The following CAB39 variants were observed in gnomAD, a reference collection of about 807,000 sequenced individuals.
CAB39 encodes calcium-binding protein 39.
In CAB39, 8 loss-of-function variants were observed where a neutral mutation model predicts 40.0. The observed-to-expected ratio is 0.20, with a 90% CI of 0.12 to 0.36. The LOEUF is 0.36. Ranked by LOEUF, CAB39 falls within the 10% of genes least tolerant of loss-of-function variation. CAB39 has a pLI of 1.00. For synonymous variants in CAB39, 156 were observed against 141.6 expected, an observed-to-expected ratio of 1.10 and a Z score of -0.72; for missense variants, 270 against 401.1, an observed-to-expected ratio of 0.67 and a Z score of 2.79.
At position 230,769,818 on chromosome 2, in the gene CAB39, A is replaced by G. The variant is rs1473327302; in HGVS notation, c.114+9703A>G. Among the ~76,000 whole-genome samples the G allele has an allele frequency of 2.0e-5, 3 of 151,622 alleles. No homozygotes were observed. In the East Asian group the frequency reaches 5.8e-4, roughly 29 times the overall value. On this transcript the variant is annotated intron_variant, in intron 2 of 8. Coordinates refer to ENST00000258418, the MANE Select transcript of CAB39 (RefSeq NM_016289.4). ...ATGTGGCAAAACCCTGTCTCTACTA[A>G]AAATACAAAAAAAAAAAAAAGGGCC...
At chr2:230,812,369 A>G (rs1696320799) in intron 6 of CAB39, among the ~76,000 whole-genome samples, 1 of 152,238 alleles carries the variant, frequency 6.6e-6, no homozygotes, top group African/African-American at 2.4e-5. Context: ...GAGGACAGGT[A>G]TCTAGGTTTG....
chr2:230,725,402 A>T lies in CAB39; in HGVS notation c.-44+12172A>T, dbSNP rs373424164. The T allele has an allele frequency of 1.4e-5, 23 of 1,598,452 alleles. No homozygotes were observed. In the East Asian group the frequency reaches 4.9e-4, roughly 34 times the overall value. Reference sequence around the variant, plus strand: ...GTCTCGGTGCTTTTGGGAGGTTGTCATCTTGATCAGGCTTAATCCGCAACT... The same window carrying T: ...GTCTCGGTGCTTTTGGGAGGTTGTCTTCTTGATCAGGCTTAATCCGCAACT... On this transcript the variant is annotated intron_variant, in intron 1 of 8. Coordinates refer to ENST00000258418, the MANE Select transcript of CAB39 (RefSeq NM_016289.4).
intron 1 of CAB39, among the ~76,000 whole-genome samples, chr2:230,721,680 G>GGTGA (rs1260373682): frequency 1.3e-5 from 2 of 152,212 alleles, no homozygotes; most frequent in African/African-American, 4.8e-5. Context: ...GAGGTTCCAG[G>GGTGA]GTGAGATTTC....
chr2:230,766,728 A>G (rs1163170561), intron 2 of CAB39, among the ~76,000 whole-genome samples: 4 of 152,160 alleles, frequency 2.6e-5, no homozygotes, highest in Admixed American at 6.5e-5. Flanking sequence ...CGAGTCTCAC[A>G]ATGTTGCCCA....
chr2:230,728,802 G>A (rs1255621898), intron 1 of CAB39, among the ~76,000 whole-genome samples: 1 of 152,034 alleles, frequency 6.6e-6, no homozygotes, highest in East Asian at 1.9e-4. Flanking sequence ...TTGTGGAGAC[G>A]GGATCTCATT....
chr2:230,772,315 T>G (rs1055887882), intron 2 of CAB39, among the ~76,000 whole-genome samples: 12 of 152,184 alleles, frequency 7.9e-5, no homozygotes, highest in African/African-American at 2.9e-4. Context: ...GAAAAGATGT[T>G]AATCATTAGG....
chr2:230,748,425 C>G lies in CAB39; in HGVS notation c.-43-11534C>G, dbSNP rs186565910. ...TAGTGTTGTCCATGTAGTTAGCCTG[C>G]GTATCCTCTATGAAATTCCCCATCA... On this transcript the variant is annotated intron_variant, in intron 1 of 8. Transcript: ENST00000258418. Among the ~76,000 whole-genome samples the G allele has an allele frequency of 2.6e-3, 391 of 152,228 alleles. 3 individuals are homozygous for G. The highest frequency in any genetic ancestry group is 8.6e-3 in the African/African-American group (358 of 41,536).
At chr2:230,776,564 G>T (rs115118288) in intron 2 of CAB39, among the ~76,000 whole-genome samples, 213 of 152,300 alleles carry the variant, frequency 1.4e-3, no homozygotes, top group Non-Finnish European at 2.4e-3. Flanking sequence ...AAACTTTTGA[G>T]ATGGGCTTTC....
chr2:230,808,855 T>A (rs973160706), intron 5 of CAB39, among the ~76,000 whole-genome samples: 2 of 152,330 alleles, frequency 1.3e-5, no homozygotes, highest in East Asian at 3.9e-4. Context: ...GTTCCCTGAT[T>A]TTATTGGTTC....
chr2:230,740,016 G>A (rs1427873222), intron 1 of CAB39, among the ~76,000 whole-genome samples: 1 of 152,172 alleles, frequency 6.6e-6, no homozygotes, highest in African/African-American at 2.4e-5. Flanking sequence ...GGCTAGGATA[G>A]AACAAAATAG....
chr2:230,773,314 A>ATATATATATG (rs371297550), intron 2 of CAB39, among the ~76,000 whole-genome samples: 11 of 132,682 alleles, frequency 8.3e-5, no homozygotes, highest in African/African-American at 2.8e-4. Flanking sequence ...ATATATATAT[A>ATATATATATG]TGTGTGTGTG....
intron 5 of CAB39, among the ~76,000 whole-genome samples, chr2:230,807,086 A>G (rs1696209022): frequency 2.0e-5 from 3 of 152,140 alleles, no homozygotes; most frequent in South Asian, 4.1e-4. Context: ...AAGATGAGGA[A>G]TCCTTTTATT....
At chr2:230,807,171 G>A (rs1227889520) in intron 5 of CAB39, among the ~76,000 whole-genome samples, 1 of 152,064 alleles carries the variant, frequency 6.6e-6, no homozygotes, top group East Asian at 1.9e-4. Flanking sequence ...AGGTCTGCAT[G>A]CCCTTTGCCC....
intron 1 of CAB39, among the ~76,000 whole-genome samples, chr2:230,738,970 A>G (rs1694831528): frequency 6.6e-6 from 1 of 152,242 alleles, no homozygotes; most frequent in Non-Finnish European, 1.5e-5. Context: ...TAGCATTTCC[A>G]ATCTACCTTA....
Position 230,818,722 on chromosome 2 carries a change from T to C in CAB39, c.*18T>C. On this transcript the variant is annotated 3_prime_UTR_variant, in exon 9 of 9. Transcript: ENST00000258418. ...AAGCTTAATCTCCAATAAACATCTA[T>C]GTTAAATCCAAATTCAGCATTTGCT... is the stretch of plus-strand genomic sequence containing the variant. The C allele has an allele frequency of 1.9e-6, 3 of 1,598,040 alleles. No homozygotes were observed. The highest frequency in any genetic ancestry group is 2.6e-6 in the Non-Finnish European group (3 of 1,167,446).
chr2:230,723,401 T>C (rs969778934), intron 1 of CAB39, among the ~76,000 whole-genome samples: 1 of 152,152 alleles, frequency 6.6e-6, no homozygotes. Context: ...AATGTTAAGG[T>C]TGAACCTCCC....
intron 2 of CAB39, among the ~76,000 whole-genome samples, chr2:230,761,620 A>T (rs1296170306): frequency 6.6e-6 from 1 of 151,834 alleles, no homozygotes; most frequent in East Asian, 1.9e-4. Flanking sequence ...AATTATTCCT[A>T]CTCTAAATGG....
At chr2:230,813,197 C>G (rs527832072) in intron 6 of CAB39, among the ~76,000 whole-genome samples, 2 of 152,262 alleles carry the variant, frequency 1.3e-5, no homozygotes, top group South Asian at 4.1e-4. Flanking sequence ...GGCTAACTGG[C>G]CTTGTCTACT....
chr2:230,720,497 G>C (rs964418820), intron 1 of CAB39, among the ~76,000 whole-genome samples: 4 of 152,096 alleles, frequency 2.6e-5, no homozygotes, highest in African/African-American at 9.7e-5. Flanking sequence ...GTGCAATGGC[G>C]TGATCTCGGC....
Sources: allele counts gnomAD v4.1 joint callset (sites outside exome capture counted in the v4.1 genomes callset), GRCh38; gene constraint gnomAD v4.1.1; transcripts MANE v1.5; gene names NCBI Gene and HGNC (gene_info 2026-07-23, HGNC 2026-07-21).